The following RIF1 variants were observed in gnomAD, a reference collection of about 807,000 sequenced individuals.
RIF1 encodes telomere-associated protein RIF1.
RIF1 carries 45 observed loss-of-function variants against 247.1 expected under a neutral mutation model. The ratio of observed to expected loss-of-function variants is 0.18; its 90% CI spans 0.14 to 0.23. RIF1 has a LOEUF of 0.23. Ranked by LOEUF, RIF1 falls within the 10% of genes least tolerant of loss-of-function variation. The probability of loss-of-function intolerance (pLI) is 1.00; values close to 1 mark genes in which losing one functional copy is unlikely to be tolerated. For synonymous variants in RIF1, 1,087 were observed against 978.8 expected, an observed-to-expected ratio of 1.11 and a Z score of -2.06; for missense variants, 2,967 against 2,862.5, an observed-to-expected ratio of 1.04 and a Z score of -0.83.
intron 9 of RIF1, among the ~76,000 whole-genome samples, chr2:151,494,753 ATTC>A (rs2059022785): frequency 6.6e-6 from 1 of 152,076 alleles, no homozygotes; most frequent in Non-Finnish European, 1.5e-5. Context: ...GGTTCAAGTG[ATTC>A]TTCTGCCTCA....
At chr2:151,429,293 G>T (rs548049722) in intron 9 of RIF1, among the ~76,000 whole-genome samples, 80 of 152,220 alleles carry the variant, frequency 5.3e-4, no homozygotes, top group Middle Eastern at 3.4e-3. Context: ...AGATTCTCCT[G>T]CCTCAGCCTC....
chr2:151,434,100 G>A (rs112462775), intron 10 of RIF1, among the ~76,000 whole-genome samples: 2,498 of 151,420 alleles, frequency 0.016, 29 homozygotes, highest in Middle Eastern at 0.079. Flanking sequence ...CCCAGGAGAT[G>A]GAGGTTGCAG....
chr2:151,416,474 T>C (rs1687242495), intron 4 of RIF1, 87 bp from the exon 5 acceptor site: 7 of 1,157,338 alleles, frequency 6.0e-6, no homozygotes, highest in South Asian at 3.2e-5. Flanking sequence ...TTATGATTGA[T>C]GAGTATATTG....
intron 14 of RIF1, among the ~76,000 whole-genome samples, chr2:151,439,004 G>C (rs562741811): frequency 6.6e-6 from 1 of 152,218 alleles, no homozygotes; most frequent in Non-Finnish European, 1.5e-5. Context: ...ACTTACTATC[G>C]ATTGGAAGCC....
At chr2:151,526,351 G>A in the RIF1 span, 26 of 889,282 alleles carry the variant, frequency 2.9e-5, no homozygotes, top group East Asian at 3.2e-4. Context: ...GAACAGCAGC[G>A]TTGACAATAC....
In RIF1 at chr2:151,458,021, G is replaced by T. The variant is rs1005119032; in HGVS notation, c.2855+58G>T. ...CTATTCTGTTGTGATCATATAAATT[G>T]ATACTTTGATTCAAATAATCTTTTC... On this transcript the variant is annotated intron_variant, in intron 24 of 35. Coordinates refer to ENST00000444746, the MANE Select transcript of RIF1 (RefSeq NM_018151.5). 9 of 1,213,086 alleles carry T rather than the reference G, an allele frequency of 7.4e-6. No homozygotes were observed. The African/African-American group carries it at 1.2e-4, about 17-fold the overall frequency. 75.1% of individuals were successfully genotyped at this position (1,213,086 alleles called of 1,614,324 possible). A position where few individuals can be genotyped will look rare whatever the true frequency, so the allele number is the denominator to read the frequency against.
At chr2:151,468,864 C>A in intron 33 of RIF1, 108 bp downstream of exon 33, 1 of 774,514 alleles carries the variant, frequency 1.3e-6, no homozygotes, top group Non-Finnish European at 2.2e-6. Flanking sequence ...CATGTACTCT[C>A]ACACACATTT....
Position 151,420,241 on chromosome 2 carries a change from A to C in RIF1, c.555A>C (p.Ala185=), listed in dbSNP as rs747688584. ...IQMGEEAVRW[A]KLVIPLVVHS... ...TGGGAGAAGAGGCAGTGAGGTGGGCAAAACTGGTCATACCTTTAGTGGTTC... is the reference window on the plus strand; with the variant it reads ...TGGGAGAAGAGGCAGTGAGGTGGGCCAAACTGGTCATACCTTTAGTGGTTC... The change falls in exon 7 of 36, where the codon GCA becomes GCC. Residue 185 remains alanine (A), a synonymous_variant. Transcript: ENST00000444746. The C allele has an allele frequency of 3.1e-6, 5 of 1,614,182 alleles. No individual in the cohort carries two copies. The Middle Eastern group carries it at 6.6e-4, about 213-fold the overall frequency.
At chr2:151,507,956 G>T in exon 14 of RIF1, 1 of 1,370,216 alleles carries the variant, frequency 7.3e-7, no homozygotes, top group Non-Finnish European at 1.0e-6. Flanking sequence ...ATCTTCCTCA[G>T]CACCCCTAGG....
chr2:151,414,475 T>C (rs1686848842), intron 3 of RIF1, among the ~76,000 whole-genome samples: 1 of 152,148 alleles, frequency 6.6e-6, no homozygotes, highest in African/African-American at 2.4e-5. Context: ...GATGTTAGCT[T>C]TTGGATTTGA....
At chr2:151,420,884 A>T (rs1377586932) in intron 7 of RIF1, among the ~76,000 whole-genome samples, 1 of 152,178 alleles carries the variant, frequency 6.6e-6, no homozygotes, top group Non-Finnish European at 1.5e-5. Flanking sequence ...GGAGCTATCT[A>T]TTGTTGCTAA....
intron 8 of RIF1, among the ~76,000 whole-genome samples, chr2:151,425,486 T>C (rs975759257): frequency 6.6e-6 from 1 of 152,108 alleles, no homozygotes; most frequent in Non-Finnish European, 1.5e-5. Context: ...CCCAATGCTT[T>C]CGTCTAAGAA....
At chr2:151,422,810 C>T (rs1203779411) in intron 7 of RIF1, 140 bp from the exon 8 acceptor site, 8 of 557,288 alleles carry the variant, frequency 1.4e-5, no homozygotes, top group Non-Finnish European at 2.5e-5. Context: ...ACCCACCGCA[C>T]CTGGCCTTGG....
In RIF1 at chr2:151,467,097, C is replaced by T. The variant is rs549207182; in HGVS notation, c.6601-903C>T. Among the ~76,000 whole-genome samples, 5 of 152,030 alleles carry T rather than the reference C, an allele frequency of 3.3e-5. No individual in the cohort carries two copies. The East Asian group carries it at 7.8e-4, about 24-fold the overall frequency. On this transcript the variant is annotated intron_variant, in intron 30 of 35. Transcript: ENST00000444746. ...TACAAAAATTAGCTGGGCCTGGTGG[C>T]GCACACCTGTAGTTACAGCTACTCA...
intron 6 of RIF1, among the ~76,000 whole-genome samples, chr2:151,419,097 T>G (rs1437155660): frequency 6.6e-6 from 1 of 151,504 alleles, no homozygotes; most frequent in Non-Finnish European, 1.5e-5. Flanking sequence ...CATACTGAAA[T>G]GTGTTCAGGG....
intron 9 of RIF1, among the ~76,000 whole-genome samples, chr2:151,488,039 A>G (rs1232901742): frequency 1.3e-5 from 2 of 152,036 alleles, no homozygotes; most frequent in Non-Finnish European, 2.9e-5. Context: ...TTATTTTTAT[A>G]TTCCTGGTTA....
rs1182279325 is a variant in RIF1, at chr2:151,499,503, T to C, written c.*672T>C. 1.4e-5 allele frequency: 9 copies of C among 653,456 alleles called. No homozygotes were observed. The East Asian group carries it at 2.6e-4, about 19-fold the overall frequency. The allele number at this position is 653,456 out of a possible 1,614,324, so 40.5% of individuals were successfully genotyped here. On this transcript the variant is annotated 3_prime_UTR_variant and NMD_transcript_variant, in exon 11 of 14. Transcript: ENST00000454583. ...ACAGACGTCAGACAGAAAAGACAGA[T>C]TCAACAAGTCAACCTCTCTGTTCAG...
intron 10 of RIF1, among the ~76,000 whole-genome samples, chr2:151,434,485 G>C (rs1690784041): frequency 7.4e-6 from 1 of 135,394 alleles, no homozygotes; most frequent in African/African-American, 2.9e-5. Context: ...CTGTTGCCCA[G>C]GCTAGGGTGC....
At chr2:151,411,449 T>A in intron 3 of RIF1, 111 bp downstream of exon 3, 1 of 655,424 alleles carries the variant, frequency 1.5e-6, no homozygotes, top group Non-Finnish European at 2.7e-6. Context: ...CAGGCGAGAG[T>A]GCAATGGCTC....
Sources: gnomAD v4.1 joint callset for allele counts (sites outside exome capture counted in the v4.1 genomes callset) on GRCh38, gnomAD v4.1.1 for gene constraint, MANE v1.5 for transcripts, NCBI Gene and HGNC (gene_info 2026-07-23, HGNC 2026-07-21) for gene names.